Variants in TTC39B observed in about 807,000 individuals in gnomAD.
TTC39B encodes the protein tetratricopeptide repeat domain 39B, also known as tetratricopeptide repeat protein 39B.
TTC39B carries 92 observed loss-of-function variants against 96.6 expected under a neutral mutation model. That is an observed-to-expected ratio of 0.95 (90% CI 0.80 to 1.13). The LOEUF is 1.13. Ranked by LOEUF, TTC39B falls within the 50% of genes most tolerant of loss-of-function variation. TTC39B has a pLI of 0.00. For missense variants in TTC39B, 955 were observed against 809.3 expected (o/e 1.18, Z -2.18); for synonymous variants, 367 against 299.4 (o/e 1.23, Z -2.33).
chr9:15,303,378 A>AT lies in TTC39B; in HGVS notation c.240+3705dup, dbSNP rs759714390. The stretch of plus-strand genomic sequence containing the variant: ...TGAAAAAATCATTTTCTGAAAAGTG[A>AT]TTTTTTTTTTTTTTTTGAAACGGGG... On this transcript the variant is annotated intron_variant, in intron 1 of 19. Transcript: ENST00000512701. Among the ~76,000 whole-genome samples, 844 of 141,792 alleles carry AT rather than the reference A, an allele frequency of 6.0e-3. 3 individuals are homozygous for AT. Among genetic ancestry groups the AT allele is most frequent in the African/African-American group, 0.016 (638 of 38,990 alleles). 93.0% of individuals were successfully genotyped at this position (141,792 alleles called of 152,430 possible).
intron 17 of TTC39B, among the ~76,000 whole-genome samples, chr9:15,180,475 A>C (rs534365349): frequency 1.1e-4 from 17 of 152,362 alleles, no homozygotes; most frequent in African/African-American, 4.1e-4. Context: ...CTTTTGTATC[A>C]ATGGCCAGCA....
chr9:15,275,042 G>GTT (rs546113740), intron 1 of TTC39B, among the ~76,000 whole-genome samples: 4 of 143,612 alleles, frequency 2.8e-5, no homozygotes, highest in Non-Finnish European at 3.1e-5. Context: ...CGTAAATTCT[G>GTT]TTTTTTTTTT....
chr9:15,276,693 C>T (rs1015808905), intron 1 of TTC39B, among the ~76,000 whole-genome samples: 4 of 152,094 alleles, frequency 2.6e-5, no homozygotes, highest in Non-Finnish European at 4.4e-5. Context: ...TAAATTTAGG[C>T]TTGGAGGTTA....
intron 2 of TTC39B, among the ~76,000 whole-genome samples, chr9:15,236,289 T>C (rs999634508): frequency 1.3e-5 from 2 of 152,212 alleles, no homozygotes; most frequent in African/African-American, 2.4e-5. Flanking sequence ...TAAATATACA[T>C]GCAACCAATA....
At position 15,297,724 on chromosome 9, in the gene TTC39B, T is replaced by C. The variant is rs144228563; in HGVS notation, c.240+9360A>G. On this transcript the variant is annotated intron_variant, in intron 1 of 19. Transcript: ENST00000512701. ...ACCAGCCTCCGTCACTCTGGGCTTG[T>C]CTACCTCCAATCAGCCTCCACGCCT... is the stretch of plus-strand genomic sequence containing the variant. 1.0e-3 allele frequency among the ~76,000 whole-genome samples: 157 copies of C among 152,234 alleles called. 1 individual carries two copies. Among genetic ancestry groups the C allele is most frequent in the African/African-American group, 3.4e-3 (142 of 41,542 alleles).
chr9:15,275,399 G>A (rs768665523), intron 1 of TTC39B, among the ~76,000 whole-genome samples: 8 of 152,144 alleles, frequency 5.3e-5, no homozygotes, highest in Non-Finnish European at 1.0e-4. Flanking sequence ...ATGAAGTAAG[G>A]TTCTATGTTT....
intron 6 of TTC39B, among the ~76,000 whole-genome samples, chr9:15,208,239 C>T (rs928008902): frequency 2.6e-5 from 4 of 151,458 alleles, no homozygotes; most frequent in Non-Finnish European, 5.9e-5. Flanking sequence ...TGGCCAGGCT[C>T]GTCTGTAACT....
At chr9:15,233,402 C>T (rs1821547630) in intron 2 of TTC39B, among the ~76,000 whole-genome samples, 2 of 152,164 alleles carry the variant, frequency 1.3e-5, no homozygotes, top group Admixed American at 6.5e-5. Context: ...CCCTCTGATG[C>T]CGAGCCGAAG....
chr9:15,265,239 C>G (rs1823088668), intron 2 of TTC39B, among the ~76,000 whole-genome samples: 1 of 152,118 alleles, frequency 6.6e-6, no homozygotes, highest in Non-Finnish European at 1.5e-5. Context: ...TTCCTGAGGT[C>G]CCAAAGGTAA....
chr9:15,250,357 T>G (rs928555369), intron 2 of TTC39B, among the ~76,000 whole-genome samples: 1 of 152,000 alleles, frequency 6.6e-6, no homozygotes, highest in African/African-American at 2.4e-5. Context: ...CAGAATATTT[T>G]CATGATTTTT....
intron 1 of TTC39B, among the ~76,000 whole-genome samples, chr9:15,304,560 T>C (rs2131628348): frequency 6.6e-6 from 1 of 152,308 alleles, no homozygotes; most frequent in Admixed American, 6.5e-5. Flanking sequence ...GGAGCTTCTC[T>C]ACCATTATCA....
chr9:15,239,145 C>G (rs1821921141), intron 2 of TTC39B, among the ~76,000 whole-genome samples: 1 of 151,462 alleles, frequency 6.6e-6, no homozygotes, highest in Non-Finnish European at 1.5e-5. Flanking sequence ...AAGAGGCCAA[C>G]AAACACATGA....
intron 2 of TTC39B, among the ~76,000 whole-genome samples, chr9:15,234,773 G>T (rs1215123): frequency 0.19 from 28,425 of 150,326 alleles, 2,813 homozygotes; most frequent in African/African-American, 0.21. Context: ...GTCCACTCAG[G>T]GTTAAATGGA....
chr9:15,248,462 T>G (rs1822382565), intron 2 of TTC39B, among the ~76,000 whole-genome samples: 1 of 152,186 alleles, frequency 6.6e-6, no homozygotes, highest in Admixed American at 6.5e-5. Context: ...TTACCACAAT[T>G]TTAATGAAAT....
chr9:15,177,669 T>C (rs200123094), intron 18 of TTC39B, 28 bp downstream of exon 18: 204 of 1,499,978 alleles, frequency 1.4e-4, no homozygotes, highest in Middle Eastern at 1.7e-4. Flanking sequence ...CAATTTGCAC[T>C]TGGGCTGGTT....
intron 4 of TTC39B, among the ~76,000 whole-genome samples, chr9:15,213,187 A>C (rs1445702753): frequency 6.6e-6 from 1 of 152,146 alleles, no homozygotes; most frequent in Non-Finnish European, 1.5e-5. Flanking sequence ...GGGAAAGACA[A>C]GCAGACAAAA....
intron 4 of TTC39B, 25 bp downstream of exon 4, chr9:15,214,114 A>G (rs1404871590): frequency 1.3e-6 from 2 of 1,519,314 alleles, no homozygotes; most frequent in African/African-American, 2.7e-5. Context: ...AAGATATTTT[A>G]TCTAAAAGAG....
intron 2 of TTC39B, chr9:15,250,343 A>G: frequency 4.6e-6 from 2 of 430,774 alleles, no homozygotes; most frequent in Non-Finnish European, 6.2e-6. Context: ...ATTTATAAAA[A>G]CCACAGAATA....
intron 16 of TTC39B, among the ~76,000 whole-genome samples, chr9:15,183,966 C>T (rs1046206849): frequency 2.0e-5 from 3 of 152,180 alleles, no homozygotes; most frequent in Non-Finnish European, 2.9e-5. Flanking sequence ...TAGGCGCAGG[C>T]TAACTCCTGT....
Sources: gnomAD v4.1 joint callset for allele counts (sites outside exome capture counted in the v4.1 genomes callset) on GRCh38, gnomAD v4.1.1 for gene constraint, MANE v1.5 for transcripts, NCBI Gene and HGNC (gene_info 2026-07-23, HGNC 2026-07-21) for gene names.